AFF1: variants seen among roughly 807,000 people sequenced by gnomAD.
The protein encoded by AFF1 is ALF transcription elongation factor 1, also known as AF4/FMR2 family member 1.
AFF1 carries 48 observed loss-of-function variants against 121.7 expected under a neutral mutation model. The ratio of observed to expected loss-of-function variants is 0.39; its 90% CI spans 0.31 to 0.50. AFF1 has a LOEUF of 0.50. AFF1 is among the 20% of genes least tolerant of loss of function. AFF1 has a pLI of 0.76. For missense variants in AFF1, 1,523 were observed against 1,511.7 expected, an observed-to-expected ratio of 1.01 and a Z score of -0.12; for synonymous variants, 613 against 563.0, an observed-to-expected ratio of 1.09 and a Z score of -1.26.
chr4:87,057,196 C>A (rs1377532903), intron 4 of AFF1, among the ~76,000 whole-genome samples: 1 of 152,258 alleles, frequency 6.6e-6, no homozygotes, highest in Middle Eastern at 3.4e-3. Context: ...GGAGGGAAAT[C>A]TAGTGGGAGT....
chr4:87,127,204 A>G (rs1469180312), intron 15 of AFF1, 87 bp downstream of exon 15: 1 of 1,118,942 alleles, frequency 8.9e-7, no homozygotes. Context: ...TCTGTCACCC[A>G]GGCTGGAGTG....
chr4:87,007,355 C>T, intron 2 of AFF1: 1 of 1,611,982 alleles, frequency 6.2e-7, no homozygotes, highest in Non-Finnish European at 8.5e-7. Context: ...CAGCAGGGCC[C>T]GCGGGGTGAA....
rs142863828 is a variant in AFF1, at chr4:87,061,553, C to G, written c.1059+13959C>G. On this transcript the variant is annotated intron_variant, in intron 4 of 20. Transcript: ENST00000395146. ...AGTTGCCAACATCTAAAAATTAGTA[C>G]CTTCACATTGAAATCTGGATTTTAT... Among the ~76,000 whole-genome samples the G allele has an allele frequency of 3.6e-3, 549 of 152,280 alleles. 4 individuals carry two copies. Among genetic ancestry groups the G allele is most frequent in the African/African-American group, 0.013 (529 of 41,558 alleles).
chr4:87,132,462 ACTT>A, intron 19 of AFF1, 54 bp downstream of exon 19: 4 of 1,537,460 alleles, frequency 2.6e-6, no homozygotes, highest in South Asian at 2.5e-5. Flanking sequence ...TTCTTTATTT[ACTT>A]CTTGCTTTTG....
intron 2 of AFF1, among the ~76,000 whole-genome samples, chr4:86,952,339 T>G (rs768822247): frequency 1.3e-4 from 20 of 152,254 alleles, no homozygotes; most frequent in Admixed American, 4.6e-4. Context: ...TGGTGAAAAT[T>G]TAAGGAGCTG....
intron 4 of AFF1, among the ~76,000 whole-genome samples, chr4:87,049,091 AAAAAG>A (rs1263372625): frequency 1.3e-4 from 9 of 71,674 alleles, no homozygotes; most frequent in African/African-American, 5.1e-4. Flanking sequence ...AAAAAAAAAA[AAAAAG>A]GGGGGGGGGG....
chr4:87,119,526 G>T (rs1031654400), intron 12 of AFF1, among the ~76,000 whole-genome samples: 10 of 152,136 alleles, frequency 6.6e-5, no homozygotes, highest in African/African-American at 2.4e-4. Flanking sequence ...AGCTGTGATT[G>T]AGTCACTGCA....
chr4:87,090,540 G>T (rs961119167), intron 6 of AFF1, among the ~76,000 whole-genome samples: 21 of 152,088 alleles, frequency 1.4e-4, no homozygotes, highest in Non-Finnish European at 1.5e-5. Flanking sequence ...TGAACAATGC[G>T]TTAAAACACT....
intron 2 of AFF1, among the ~76,000 whole-genome samples, chr4:86,991,879 T>C (rs1476856608): frequency 6.7e-6 from 1 of 150,282 alleles, no homozygotes; most frequent in Non-Finnish European, 1.5e-5. Flanking sequence ...TATTGAAATA[T>C]GGTAGATGCT....
intron 2 of AFF1, among the ~76,000 whole-genome samples, chr4:86,971,701 CTA>C (rs1397166477): frequency 1.3e-5 from 2 of 152,148 alleles, no homozygotes; most frequent in Admixed American, 1.3e-4. Flanking sequence ...AGCTTACAGT[CTA>C]TTGGACACTA....
In AFF1 at chr4:87,114,430, G is replaced by T. The variant is rs779004956; in HGVS notation, c.1597G>T (p.Ala533Ser). 1 of 1,610,768 alleles carries T rather than the reference G, an allele frequency of 6.2e-7. No individual in the cohort carries two copies. The highest frequency in any genetic ancestry group is 8.5e-7 in the Non-Finnish European group (1 of 1,179,132). The change falls in exon 12 of 21, where the codon GCT becomes TCT. Residue 533 changes from alanine to serine, a missense_variant. By Grantham distance (99) the Ala-to-Ser change is moderately conservative. Coordinates refer to ENST00000395146, the MANE Select transcript of AFF1 (RefSeq NM_001166693.3). ...CTGGCTGACCAAAGTCAGCCAGCCA[G>T]CTGCGCCACCAGAGGGCCCCAGGAG... ...DNWLTKVSQP[A>S]APPEGPRSTE...
intron 4 of AFF1, among the ~76,000 whole-genome samples, chr4:87,080,515 C>T (rs1448017075): frequency 6.6e-6 from 1 of 151,884 alleles, no homozygotes; most frequent in African/African-American, 2.4e-5. Flanking sequence ...GGCTGGAGAC[C>T]CTATTGGGAG....
intron 2 of AFF1, chr4:86,950,031 T>C: frequency 6.2e-7 from 1 of 1,613,608 alleles, no homozygotes; most frequent in Non-Finnish European, 8.5e-7. Flanking sequence ...GCTCCGTAGG[T>C]AGGGGGAGTG....
chr4:87,020,352 T>G (rs1244325075), intron 2 of AFF1, among the ~76,000 whole-genome samples: 1 of 152,234 alleles, frequency 6.6e-6, no homozygotes, highest in Admixed American at 6.5e-5. Context: ...CAGAGATAAA[T>G]GTGGTTTTGT....
rs1478618031 is a variant in AFF1 at position 87,002,433 on chromosome 4, T to TC, written c.39-43733_39-43732insC. ...GTTAAAAGGGCAATGAAGTTTTTTT[T>TC]TTTTTTTTTTTTTTTTGAGATGGTG... On this transcript the variant is annotated intron_variant, in intron 2 of 20. Transcript: ENST00000395146. Among the ~76,000 whole-genome samples the TC allele has an allele frequency of 3.5e-5, 5 of 143,590 alleles. 1 individual carries two copies. The highest frequency in any genetic ancestry group is 1.4e-4 in the Admixed American group (2 of 14,292). The allele number at this position is 143,590 out of a possible 152,430, so 94.2% of individuals were successfully genotyped here.
intron 4 of AFF1, among the ~76,000 whole-genome samples, chr4:87,065,467 C>G (rs1721256337): frequency 6.7e-6 from 1 of 148,678 alleles, no homozygotes; most frequent in South Asian, 2.1e-4. Flanking sequence ...GCATATCAAA[C>G]AAACCTAGGG....
chr4:87,039,164 C>G (rs1213616405), intron 2 of AFF1, among the ~76,000 whole-genome samples: 1 of 152,224 alleles, frequency 6.6e-6, no homozygotes, highest in Non-Finnish European at 1.5e-5. Context: ...ACTATCTTTT[C>G]CTCATCCACA....
chr4:87,110,407 G>A (rs949541543), intron 11 of AFF1, among the ~76,000 whole-genome samples: 2 of 151,532 alleles, frequency 1.3e-5, no homozygotes, highest in African/African-American at 2.4e-5. Flanking sequence ...CAGTCACCCT[G>A]TTGTGCTGGC....
chr4:87,134,141 T>C (rs1384438275), intron 19 of AFF1, among the ~76,000 whole-genome samples: 1 of 152,228 alleles, frequency 6.6e-6, no homozygotes, highest in Non-Finnish European at 1.5e-5. Context: ...AGTTAGTGTT[T>C]ACTGAGTGGA....
Sources: gnomAD v4.1 joint callset for allele counts (sites outside exome capture counted in the v4.1 genomes callset) on GRCh38, gnomAD v4.1.1 for gene constraint, MANE v1.5 for transcripts, NCBI Gene and HGNC (gene_info 2026-07-23, HGNC 2026-07-21) for gene names.